Variants in MAMDC2 observed in about 807,000 individuals in gnomAD.
MAMDC2 encodes MAM domain-containing protein 2.
Under a neutral mutation model 89.8 loss-of-function variants are expected in MAMDC2, and 57 were observed. That is an observed-to-expected ratio of 0.63 (90% CI 0.51 to 0.79). The LOEUF (loss-of-function observed/expected upper bound fraction) is 0.79. Ranked by LOEUF, MAMDC2 falls within the 30% of genes least tolerant of loss-of-function variation. The pLI, the probability that MAMDC2 is intolerant of heterozygous loss-of-function variation, is 0.00. For synonymous variants in MAMDC2, 313 were observed against 293.4 expected (o/e 1.07, Z -0.68); for missense variants, 800 against 820.6 (o/e 0.97, Z 0.31).
chr9:70,060,359 T>C (rs758744286), intron 2 of MAMDC2, among the ~76,000 whole-genome samples: 4 of 152,120 alleles, frequency 2.6e-5, no homozygotes, highest in Admixed American at 6.5e-5. Flanking sequence ...CTTTTTTAAA[T>C]AAAAAGAAAT....
intron 12 of MAMDC2, among the ~76,000 whole-genome samples, chr9:70,224,057 C>T (rs1475312118): frequency 3.9e-5 from 6 of 152,068 alleles, no homozygotes; most frequent in African/African-American, 1.4e-4. Context: ...GCCAAAAAAA[C>T]AGATTTTATT....
In MAMDC2 at chr9:70,108,466, G is replaced by A; in HGVS notation, c.404G>A (p.Ser135Asn). 1 of 1,596,878 alleles carries A rather than the reference G, an allele frequency of 6.3e-7. No individual in the cohort carries two copies. Among genetic ancestry groups the A allele is most frequent in the South Asian group, 1.1e-5 (1 of 88,120 alleles). ...WLIASLDLQN[S>N]SKKFKILIEG... The stretch of plus-strand genomic sequence containing the variant: ...ATAGCCAGCTTGGATTTGCAAAACA[G>A]TTCCAAGAAATTCAAGGTAGGTGGA... The change falls in exon 3 of 14, where the codon AGT (serine) becomes AAT (asparagine). Residue 135 changes from serine to asparagine, a missense_variant. Ser to Asn is a conservative substitution (Grantham distance 46). Transcript: ENST00000377182.
At position 70,044,325 on chromosome 9, in the gene MAMDC2, G is replaced by T. The variant is rs2117943031; in HGVS notation, c.34+94G>T. The T allele has an allele frequency of 4.3e-6, 6 of 1,408,930 alleles. No homozygotes were observed. In the South Asian group the frequency reaches 6.0e-5, roughly 14 times the overall value. The allele number at this position is 1,408,930 out of a possible 1,614,324, so 87.3% of individuals were successfully genotyped here. On this transcript the variant is annotated intron_variant, in intron 1 of 13. Transcript: ENST00000377182. Reference sequence around the variant, plus strand: ...GGGGTCCGGCTCACCGTGCTGGGCTGGGCCATCCGAGGGCGCCTCCTGATC... The same window carrying T: ...GGGGTCCGGCTCACCGTGCTGGGCTTGGCCATCCGAGGGCGCCTCCTGATC...
At chr9:70,149,921 A>G (rs1398078121) in intron 9 of MAMDC2, among the ~76,000 whole-genome samples, 1 of 152,190 alleles carries the variant, frequency 6.6e-6, no homozygotes, top group South Asian at 2.1e-4. Flanking sequence ...CTGTGCAAGG[A>G]TATGTCTGTG....
intron 11 of MAMDC2, among the ~76,000 whole-genome samples, chr9:70,204,184 G>C (rs1246224792): frequency 6.7e-6 from 1 of 148,664 alleles, no homozygotes; most frequent in Non-Finnish European, 1.5e-5. Flanking sequence ...CATCTTTGTG[G>C]TTTTATCTAC....
At chr9:70,142,657 C>CAG (rs1222262733) in intron 8 of MAMDC2, among the ~76,000 whole-genome samples, 1 of 152,054 alleles carries the variant, frequency 6.6e-6, no homozygotes, top group Non-Finnish European at 1.5e-5. Flanking sequence ...TCCTGGCTTG[C>CAG]AGATGGCCAC....
intron 11 of MAMDC2, among the ~76,000 whole-genome samples, chr9:70,179,251 G>C (rs968334298): frequency 1.1e-4 from 17 of 152,050 alleles, no homozygotes; most frequent in African/African-American, 4.1e-4. Context: ...GGTGGCTCAC[G>C]CTTGTAATCC....
intron 2 of MAMDC2, among the ~76,000 whole-genome samples, chr9:70,104,045 T>C (rs977909619): frequency 6.6e-6 from 1 of 151,914 alleles, no homozygotes; most frequent in East Asian, 1.9e-4. Context: ...TTGCAAATTT[T>C]CTATTCGATA....
intron 2 of MAMDC2, among the ~76,000 whole-genome samples, chr9:70,068,652 G>A (rs1198645288): frequency 1.3e-5 from 2 of 151,206 alleles, no homozygotes; most frequent in Admixed American, 6.6e-5. Flanking sequence ...GCTTGAACCC[G>A]GGAGGCAGAG....
intron 11 of MAMDC2, among the ~76,000 whole-genome samples, chr9:70,202,011 G>C (rs533306314): frequency 6.6e-6 from 1 of 150,730 alleles, no homozygotes; most frequent in East Asian, 2.0e-4. Flanking sequence ...GCAGCTCCTG[G>C]ATTCATAGAT....
intron 11 of MAMDC2, chr9:70,217,455 T>C (rs2033470551): frequency 7.1e-7 from 1 of 1,398,808 alleles, no homozygotes; most frequent in Admixed American, 1.7e-5. Context: ...GTGCATCTCT[T>C]GCTGATATAA....
intron 2 of MAMDC2, 114 bp from the exon 3 acceptor site, chr9:70,108,097 G>A: frequency 9.0e-7 from 1 of 1,105,062 alleles, no homozygotes; most frequent in South Asian, 1.7e-5. Context: ...TCAGTGGGTT[G>A]ACAAAATATA....
In MAMDC2 at chr9:70,143,565, C is replaced by T. The variant is rs2031297192; in HGVS notation, c.1150C>T (p.Leu384=). 1.2e-6 allele frequency: 2 copies of T among 1,613,930 alleles called. No individual in the cohort carries two copies. The highest frequency in any genetic ancestry group is 2.7e-5 in the African/African-American group (2 of 74,920). Residue 384 remains leucine, a synonymous_variant, in exon 9 of 14, where the codon CTA becomes TTA. Transcript: ENST00000377182. ...TATCTTCTTTGCAGGGTATTACCTGCTAGCCAACACAAAGTTCACATCTCA... is the reference window on the plus strand; with the variant it reads ...TATCTTCTTTGCAGGGTATTACCTGTTAGCCAACACAAAGTTCACATCTCA... ...DHTTGLGYYL[L]ANTKFTSQPG...
chr9:70,200,367 T>A (rs1317600584), intron 11 of MAMDC2, among the ~76,000 whole-genome samples: 1 of 146,792 alleles, frequency 6.8e-6, no homozygotes, highest in Non-Finnish European at 1.5e-5. Flanking sequence ...GTTGTAGGTA[T>A]GCGGCGTTAT....
intron 5 of MAMDC2, among the ~76,000 whole-genome samples, chr9:70,122,880 C>T (rs2030349135): frequency 6.6e-6 from 1 of 152,082 alleles, no homozygotes; most frequent in South Asian, 2.1e-4. Context: ...GAACCTGGGC[C>T]GATGGGAGCT....
chr9:70,190,765 T>A (rs759147360), intron 11 of MAMDC2, among the ~76,000 whole-genome samples: 1 of 152,182 alleles, frequency 6.6e-6, no homozygotes, highest in Non-Finnish European at 1.5e-5. Context: ...AACAATTAAC[T>A]GATTGTTTTT....
intron 11 of MAMDC2, among the ~76,000 whole-genome samples, chr9:70,193,591 T>C (rs1041585441): frequency 5.0e-4 from 63 of 126,616 alleles, no homozygotes; most frequent in African/African-American, 1.8e-3. Context: ...AACAACCTTT[T>C]CTGTGTCTCC....
At chr9:70,155,141 G>A (rs1333349227) in intron 9 of MAMDC2, among the ~76,000 whole-genome samples, 1 of 152,096 alleles carries the variant, frequency 6.6e-6, no homozygotes, top group African/African-American at 2.4e-5. Flanking sequence ...AGCACAGCTG[G>A]AGAAAATAAG....
At chr9:70,048,616 T>C (rs1183587196) in intron 2 of MAMDC2, among the ~76,000 whole-genome samples, 2 of 152,214 alleles carry the variant, frequency 1.3e-5, no homozygotes, top group Non-Finnish European at 2.9e-5. Flanking sequence ...TGTTTTATCC[T>C]GTGAAAATCT....
Sources: gnomAD v4.1 joint callset for allele counts (sites outside exome capture counted in the v4.1 genomes callset) on GRCh38, gnomAD v4.1.1 for gene constraint, MANE v1.5 for transcripts, NCBI Gene and HGNC (gene_info 2026-07-23, HGNC 2026-07-21) for gene names.